DRC4: variants seen among roughly 807,000 people sequenced by gnomAD.
DRC4 encodes dynein regulatory complex subunit 4.
the DRC4 span, among the ~76,000 whole-genome samples, chr16:90,035,454 G>A: frequency 1.3e-5 from 2 of 152,332 alleles, no homozygotes; most frequent in African/African-American, 4.8e-5. Flanking sequence ...GAACCAAGCG[G>A]GTTCAGTGCT....
At chr16:90,036,547 C>T in the DRC4 span, 1 of 1,600,880 alleles carries the variant, frequency 6.2e-7, no homozygotes, top group Non-Finnish European at 8.5e-7. Context: ...ACTACAACGA[C>T]ATCACCCTCA....
chr16:90,029,306 C>A, the DRC4 span: 8 of 1,365,542 alleles, frequency 5.9e-6, no homozygotes, highest in Non-Finnish European at 7.8e-6. Context: ...TGGGGGTGAC[C>A]TGGAGACTCC....
chr16:90,020,313 AAAAAGAAAAG>A, the DRC4 span, among the ~76,000 whole-genome samples: 6 of 151,836 alleles, frequency 4.0e-5, no homozygotes, highest in South Asian at 2.1e-4. Flanking sequence ...CTCAAAAAAA[AAAAAGAAAAG>A]AAAAGAAAAG....
the DRC4 span, chr16:90,027,864 C>T: frequency 1.4e-6 from 1 of 704,346 alleles, no homozygotes; most frequent in Middle Eastern, 3.9e-4. Flanking sequence ...GCCCATAATT[C>T]CCATCAGCGG....
the DRC4 span, among the ~76,000 whole-genome samples, chr16:90,023,543 A>C: frequency 6.6e-6 from 1 of 152,328 alleles, no homozygotes; most frequent in South Asian, 2.1e-4. Context: ...AGTAATGCTG[A>C]ACCTTCCTCC....
chr16:90,031,546 G>C, the DRC4 span: 2 of 1,513,368 alleles, frequency 1.3e-6, no homozygotes, highest in Non-Finnish European at 8.9e-7. Flanking sequence ...CAGAGCCCCA[G>C]AGGAGCTGGA....
chr16:90,041,456 C>A, the DRC4 span, among the ~76,000 whole-genome samples: 1 of 152,190 alleles, frequency 6.6e-6, no homozygotes, highest in Admixed American at 6.5e-5. Flanking sequence ...GTGGTGAGAC[C>A]CTTGCCCACA....
the DRC4 span, among the ~76,000 whole-genome samples, chr16:90,040,687 G>T: frequency 1.6e-5 from 1 of 63,114 alleles, no homozygotes; most frequent in Non-Finnish European, 4.8e-5. Context: ...GAAGGGCTGG[G>T]CAGGGGAACC....
the DRC4 span, chr16:90,043,515 C>A: frequency 1.5e-6 from 1 of 679,666 alleles, no homozygotes; most frequent in Non-Finnish European, 2.5e-6. Context: ...GAACCACCTG[C>A]AGGACCCTCA....
the DRC4 span, chr16:90,037,143 C>T: frequency 7.4e-7 from 1 of 1,350,788 alleles, no homozygotes; most frequent in Non-Finnish European, 1.0e-6. Context: ...TGGTGATGGG[C>T]AGGAGAGCAC....
At chr16:90,042,095 G>T in the DRC4 span, among the ~76,000 whole-genome samples, 1 of 152,008 alleles carries the variant, frequency 6.6e-6, no homozygotes. Flanking sequence ...GTGAGCCACC[G>T]TGCCCGGCTA....
chr16:90,024,207 A>G, the DRC4 span, among the ~76,000 whole-genome samples: 1 of 151,818 alleles, frequency 6.6e-6, no homozygotes, highest in Non-Finnish European at 1.5e-5. Context: ...GCTACTTGGG[A>G]GGCTGAGGCA....
At chr16:90,035,624 C>T in the DRC4 span, 1 of 1,614,112 alleles carries the variant, frequency 6.2e-7, no homozygotes, top group Non-Finnish European at 8.5e-7. Context: ...GCCGCTTCTC[C>T]CTGTGCAGAA....
the DRC4 span, chr16:90,043,320 C>T: frequency 1.2e-4 from 195 of 1,609,906 alleles, 2 homozygotes; most frequent in African/African-American, 1.4e-3. Flanking sequence ...CAGGGCCCCG[C>T]GGGACTGGTG....
chr16:90,032,065 A>G, the DRC4 span, among the ~76,000 whole-genome samples: 1 of 151,790 alleles, frequency 6.6e-6, no homozygotes, highest in Admixed American at 6.6e-5. Flanking sequence ...GCAGGCGACC[A>G]GGTGTGTACG....
chr16:90,033,032 A>C, the DRC4 span: 1 of 1,081,296 alleles, frequency 9.2e-7, no homozygotes. Context: ...ATATTTCTGC[A>C]TAAGACTTTC....
At chr16:90,034,892 C>CTTTT in the DRC4 span, among the ~76,000 whole-genome samples, 6 of 53,868 alleles carry the variant, frequency 1.1e-4, no homozygotes, top group Non-Finnish European at 1.6e-4. Flanking sequence ...CCCACCTAAT[C>CTTTT]TTTTTTTTTT....
the DRC4 span, among the ~76,000 whole-genome samples, chr16:90,026,281 A>C: frequency 6.6e-6 from 1 of 152,140 alleles, no homozygotes; most frequent in Non-Finnish European, 1.5e-5. Flanking sequence ...GCGTGGTTTC[A>C]GCAACTTCCA....
At chr16:90,036,833 G>C in the DRC4 span, 1 of 641,784 alleles carries the variant, frequency 1.6e-6, no homozygotes, top group Non-Finnish European at 2.8e-6. Flanking sequence ...GTAATGAAGT[G>C]TGTTCTGGTT....
Sources: allele counts gnomAD v4.1 joint callset (sites outside exome capture counted in the v4.1 genomes callset), GRCh38; gene constraint gnomAD v4.1.1; transcripts MANE v1.5; gene names NCBI Gene and HGNC (gene_info 2026-07-23, HGNC 2026-07-21).